Variants in TDRD5 observed in about 807,000 individuals in gnomAD.
TDRD5 encodes the protein tudor domain-containing protein 5.
In TDRD5, 41 loss-of-function variants were observed where a neutral mutation model predicts 120.6. That is an observed-to-expected ratio of 0.34 (90% confidence interval 0.26 to 0.44). TDRD5 has a LOEUF of 0.44. TDRD5 is among the 20% of genes least tolerant of loss of function. The probability of loss-of-function intolerance (pLI) is 1.00; values close to 1 mark genes in which losing one functional copy is unlikely to be tolerated. For missense variants in TDRD5, 1,006 were observed against 1,221.2 expected, an observed-to-expected ratio of 0.82 and a Z score of 2.63; for synonymous variants, 430 against 433.7, an observed-to-expected ratio of 0.99 and a Z score of 0.11.
intron 4 of TDRD5, among the ~76,000 whole-genome samples, chr1:179,597,332 C>CTTTTTTTTTTTTTTTTTTTTTTTTTTTT (rs945509784): frequency 5.6e-5 from 7 of 125,572 alleles, no homozygotes; most frequent in Non-Finnish European, 9.9e-5. Flanking sequence ...TTCTTTTTTT[C>CTTTTTTTTTTTTTTTTTTTTTTTTTTTT]TTTTTTTTTT....
intron 4 of TDRD5, among the ~76,000 whole-genome samples, chr1:179,604,642 A>G (rs533267880): frequency 1.3e-5 from 2 of 152,234 alleles, no homozygotes; most frequent in South Asian, 4.1e-4. Context: ...TGACCCAATG[A>G]TCATTCAGGA....
At chr1:179,663,836 C>T (rs963684474) in intron 16 of TDRD5, among the ~76,000 whole-genome samples, 2 of 152,158 alleles carry the variant, frequency 1.3e-5, no homozygotes, top group African/African-American at 4.8e-5. Context: ...CTTAGAGATA[C>T]AGAAAATTGG....
rs530701611 is a variant in TDRD5, at chr1:179,672,100, C to A, written c.2860+2696C>A. Among the ~76,000 whole-genome samples, 22 of 151,646 alleles carry A rather than the reference C, an allele frequency of 1.5e-4. 1 individual carries two copies. In the East Asian group the frequency reaches 4.1e-3, roughly 28 times the overall value. On this transcript the variant is annotated intron_variant, in intron 17 of 17. Transcript: ENST00000444136. The stretch of plus-strand genomic sequence containing the variant: ...TAAATGTGTGTGCAAGTATCTTTTT[C>A]GTATAATGACTTCTTTTCCTCTAGG...
chr1:179,595,838 A>T lies in TDRD5; in HGVS notation c.831+20A>T. On this transcript the variant is annotated intron_variant, in intron 4 of 17. Coordinates refer to ENST00000444136, the MANE Select transcript of TDRD5 (RefSeq NM_001199085.3). Reference sequence around the variant, plus strand: ...AACCAGGTGAGAGATAAGAATTTGGAGATATAAATATACGATGTTTTTAAA... The same window carrying T: ...AACCAGGTGAGAGATAAGAATTTGGTGATATAAATATACGATGTTTTTAAA... 6.3e-7 allele frequency: 1 copy of T among 1,581,642 alleles called. No homozygotes were observed. The highest frequency in any genetic ancestry group is 8.6e-7 in the Non-Finnish European group (1 of 1,165,038).
At chr1:179,667,385 A>G (rs966574603) in intron 16 of TDRD5, among the ~76,000 whole-genome samples, 18 of 152,196 alleles carry the variant, frequency 1.2e-4, no homozygotes, top group African/African-American at 4.3e-4. Context: ...TATATTATCT[A>G]TTAAACAGCT....
intron 17 of TDRD5, among the ~76,000 whole-genome samples, chr1:179,677,424 C>A (rs553989324): frequency 1.1e-4 from 16 of 151,906 alleles, no homozygotes; most frequent in Non-Finnish European, 1.8e-4. Flanking sequence ...TGTTAAAGAA[C>A]CTTATTTTGT....
chr1:179,671,970 G>A (rs1679879245), intron 17 of TDRD5, among the ~76,000 whole-genome samples: 1 of 151,602 alleles, frequency 6.6e-6, no homozygotes, highest in African/African-American at 2.4e-5. Context: ...GTGTGTGTGT[G>A]TGTGTGTGTG....
chr1:179,601,700 A>G (rs900087656), intron 4 of TDRD5, among the ~76,000 whole-genome samples: 3 of 152,114 alleles, frequency 2.0e-5, no homozygotes, highest in African/African-American at 4.8e-5. Flanking sequence ...TGATTTTGCA[A>G]TTGCAATTTG....
chr1:179,674,697 T>A (rs890166394), intron 17 of TDRD5, among the ~76,000 whole-genome samples: 4 of 152,334 alleles, frequency 2.6e-5, no homozygotes, highest in African/African-American at 4.8e-5. Context: ...CAGTTTTTTT[T>A]ATTACCATTT....
chr1:179,671,554 T>C (rs1411348700), intron 17 of TDRD5, among the ~76,000 whole-genome samples: 2 of 152,162 alleles, frequency 1.3e-5, no homozygotes, highest in African/African-American at 4.8e-5. Context: ...TAAAATATTT[T>C]GTAAAAACCT....
intron 2 of TDRD5, 114 bp from the exon 3 acceptor site, chr1:179,593,346 C>T (rs1411273789): frequency 4.3e-6 from 5 of 1,161,982 alleles, no homozygotes; most frequent in Non-Finnish European, 5.9e-6. Context: ...GTTTATCGTG[C>T]TGCCTGGATA....
Position 179,593,770 on chromosome 1 carries a change from G to A in TDRD5, c.543G>A (p.Ala181=), listed in dbSNP as rs755225162. 6 of 1,614,182 alleles carry A rather than the reference G, an allele frequency of 3.7e-6. No homozygotes were observed. The highest frequency in any genetic ancestry group is 1.6e-4 in the Middle Eastern group (1 of 6,062). Residue 181 remains alanine (A), a synonymous_variant, in exon 3 of 18, where the codon GCG becomes GCA. Coordinates refer to ENST00000444136, the MANE Select transcript of TDRD5 (RefSeq NM_001199085.3). ...GFLSMFEVLN[A]ASDVISVEQT... ...TCTCTATGTTTGAAGTGCTTAATGCGGCTTCAGATGTCATTTCTGTAGAGC... is the reference window on the plus strand; with the variant it reads ...TCTCTATGTTTGAAGTGCTTAATGCAGCTTCAGATGTCATTTCTGTAGAGC...
intron 6 of TDRD5, among the ~76,000 whole-genome samples, chr1:179,626,021 A>T (rs1459647084): frequency 6.6e-6 from 1 of 151,246 alleles, no homozygotes; most frequent in African/African-American, 2.4e-5. Flanking sequence ...CAATGAGAAC[A>T]CATGGACACA....
intron 6 of TDRD5, among the ~76,000 whole-genome samples, chr1:179,622,920 A>G (rs879290502): frequency 6.6e-6 from 1 of 152,212 alleles, no homozygotes; most frequent in Non-Finnish European, 1.5e-5. Context: ...CAAGTAATAC[A>G]GAGAAAACCT....
intron 5 of TDRD5, among the ~76,000 whole-genome samples, chr1:179,619,929 T>C (rs1572354660): frequency 6.6e-6 from 1 of 152,152 alleles, no homozygotes; most frequent in African/African-American, 2.4e-5. Flanking sequence ...GTACCAAAAA[T>C]TGGAGAAAAA....
At chr1:179,602,167 T>A (rs1338543676) in intron 4 of TDRD5, among the ~76,000 whole-genome samples, 1 of 152,218 alleles carries the variant, frequency 6.6e-6, no homozygotes, top group Non-Finnish European at 1.5e-5. Flanking sequence ...TAGTTTACAT[T>A]CCCACCAGCA....
At chr1:179,618,812 CT>C in intron 5 of TDRD5, 130 bp downstream of exon 5, 1 of 599,732 alleles carries the variant, frequency 1.7e-6, no homozygotes, top group Non-Finnish European at 2.6e-6. Context: ...AGCAACAATT[CT>C]TTTAGACTAA....
intron 14 of TDRD5, among the ~76,000 whole-genome samples, chr1:179,660,737 T>C (rs1679269114): frequency 6.6e-6 from 1 of 152,180 alleles, no homozygotes; most frequent in South Asian, 2.1e-4. Context: ...TCTTTAAAAG[T>C]TCAAGAGAAT....
At chr1:179,593,306 A>T (rs1675215377) in intron 2 of TDRD5, among the ~76,000 whole-genome samples, 154 bp from the exon 3 acceptor site, 1 of 152,198 alleles carries the variant, frequency 6.6e-6, no homozygotes, top group Non-Finnish European at 1.5e-5. Context: ...GTTGCCCAAA[A>T]TGCAAGAAAT....
Sources: gnomAD v4.1 joint callset for allele counts (sites outside exome capture counted in the v4.1 genomes callset) on GRCh38, gnomAD v4.1.1 for gene constraint, MANE v1.5 for transcripts, NCBI Gene and HGNC (gene_info 2026-07-23, HGNC 2026-07-21) for gene names.